Variants in SLC44A5 observed in about 807,000 individuals in gnomAD.
SLC44A5 encodes choline transporter-like protein 5.
Under a neutral mutation model 101.8 loss-of-function variants are expected in SLC44A5, and 57 were observed. The observed-to-expected ratio is 0.56, with a 90% confidence interval of 0.45 to 0.70. The LOEUF (loss-of-function observed/expected upper bound fraction) is 0.70, where lower values mean the gene tolerates loss of function less well. SLC44A5 is among the 30% of genes least tolerant of loss of function. The pLI, the probability that SLC44A5 is intolerant of heterozygous loss-of-function variation, is 0.00. For synonymous variants in SLC44A5, 281 were observed against 290.9 expected (o/e 0.97, Z 0.35); for missense variants, 737 against 853.1 (o/e 0.86, Z 1.70).
At chr1:75,432,769 C>T (rs537865999) in intron 2 of SLC44A5, among the ~76,000 whole-genome samples, 37 of 151,902 alleles carry the variant, frequency 2.4e-4, no homozygotes, top group African/African-American at 6.8e-4. Flanking sequence ...AAAAAAAATG[C>T]GAGGGTCCAT....
At chr1:75,318,090 T>C (rs1655833602) in intron 4 of SLC44A5, among the ~76,000 whole-genome samples, 2 of 152,132 alleles carry the variant, frequency 1.3e-5, no homozygotes, top group South Asian at 2.1e-4. Flanking sequence ...AAATCTGCTC[T>C]ATAGGGCTGA....
At chr1:75,386,525 G>A (rs1203160484) in intron 3 of SLC44A5, among the ~76,000 whole-genome samples, 1 of 152,134 alleles carries the variant, frequency 6.6e-6, no homozygotes, top group Non-Finnish European at 1.5e-5. Flanking sequence ...CGTCTTCAAG[G>A]AGAACTACAA....
At chr1:75,576,310 CT>C (rs555545245) in intron 1 of SLC44A5, among the ~76,000 whole-genome samples, 159 of 145,748 alleles carry the variant, frequency 1.1e-3, no homozygotes, top group South Asian at 4.6e-3. Flanking sequence ...ATAAATGTTC[CT>C]TTTTTTTTTT....
At chr1:75,225,223 T>A (rs1557545239) in intron 13 of SLC44A5, among the ~76,000 whole-genome samples, 1 of 152,208 alleles carries the variant, frequency 6.6e-6, no homozygotes, top group Non-Finnish European at 1.5e-5. Context: ...TATTACAATT[T>A]CCTACAGTAT....
chr1:75,710,560 C>T, the SLC44A5 span: 1 of 54,210 alleles, frequency 1.8e-5, no homozygotes, highest in African/African-American at 7.6e-5. Flanking sequence ...AGAGACCCTA[C>T]CTAAAAAAAA....
chr1:75,676,774 T>C, the SLC44A5 span, among the ~76,000 whole-genome samples: 1 of 152,240 alleles, frequency 6.6e-6, no homozygotes, highest in African/African-American at 2.4e-5. Context: ...AAGAAGGTTA[T>C]AGAACACCAA....
intron 1 of SLC44A5, among the ~76,000 whole-genome samples, chr1:75,561,317 C>T (rs561662929): frequency 2.0e-5 from 3 of 152,128 alleles, no homozygotes; most frequent in East Asian, 3.9e-4. Context: ...TACAAAGAAA[C>T]GAGGATAAGG....
At chr1:75,655,769 C>T in the SLC44A5 span, among the ~76,000 whole-genome samples, 2 of 152,110 alleles carry the variant, frequency 1.3e-5, no homozygotes, top group Non-Finnish European at 2.9e-5. Flanking sequence ...GATTCTGAGC[C>T]ACTGTTCCAT....
intron 4 of SLC44A5, among the ~76,000 whole-genome samples, chr1:75,310,719 T>C (rs1437391855): frequency 6.6e-6 from 1 of 152,162 alleles, no homozygotes; most frequent in Admixed American, 6.5e-5. Flanking sequence ...TTTGCAACTA[T>C]TATTAAATAC....
chr1:75,386,365 A>T (rs1661346687), intron 3 of SLC44A5, among the ~76,000 whole-genome samples: 1 of 152,214 alleles, frequency 6.6e-6, no homozygotes, highest in Admixed American at 6.5e-5. Flanking sequence ...GCAAAGTCTC[A>T]GGATACAAAA....
chr1:75,437,078 G>T (rs1664933731), intron 2 of SLC44A5, among the ~76,000 whole-genome samples: 1 of 152,024 alleles, frequency 6.6e-6, no homozygotes, highest in African/African-American at 2.4e-5. Flanking sequence ...GCCTGAGGCT[G>T]TTTTACAGTT....
intron 5 of SLC44A5, among the ~76,000 whole-genome samples, chr1:75,291,996 A>C (rs1254037095): frequency 6.9e-6 from 1 of 145,432 alleles, no homozygotes; most frequent in Non-Finnish European, 1.5e-5. Flanking sequence ...TGGGTGACAG[A>C]GCGAGACTCT....
At chr1:75,496,153 T>C (rs1483168195) in intron 2 of SLC44A5, among the ~76,000 whole-genome samples, 1 of 151,952 alleles carries the variant, frequency 6.6e-6, no homozygotes, top group African/African-American at 2.4e-5. Flanking sequence ...CCAAACAATC[T>C]TGAGAAAGAA....
chr1:75,587,556 C>A (rs1169290642), intron 1 of SLC44A5, among the ~76,000 whole-genome samples: 1 of 152,186 alleles, frequency 6.6e-6, no homozygotes, highest in Non-Finnish European at 1.5e-5. Context: ...GACAAGATCA[C>A]CTGTGTCAAG....
chr1:75,332,212 C>T (rs1657110874), intron 4 of SLC44A5, among the ~76,000 whole-genome samples: 1 of 152,060 alleles, frequency 6.6e-6, no homozygotes, highest in Non-Finnish European at 1.5e-5. Context: ...ATATTTTCTT[C>T]CAGTAAAAAG....
chr1:75,246,602 A>G (rs1269251980), intron 7 of SLC44A5, among the ~76,000 whole-genome samples: 1 of 152,112 alleles, frequency 6.6e-6, no homozygotes, highest in Admixed American at 6.6e-5. Context: ...AATAAATAGT[A>G]GTAAATAAGA....
intron 13 of SLC44A5, among the ~76,000 whole-genome samples, chr1:75,223,079 G>A (rs188489737): frequency 1.1e-4 from 16 of 152,164 alleles, no homozygotes; most frequent in Non-Finnish European, 1.5e-4. Flanking sequence ...TGAATTGAAG[G>A]TTATACAAAC....
chr1:75,667,211 C>T, the SLC44A5 span, among the ~76,000 whole-genome samples: 1 of 152,178 alleles, frequency 6.6e-6, no homozygotes, highest in African/African-American at 2.4e-5. Flanking sequence ...TCTCCTTAAA[C>T]TGATAAGCAA....
intron 10 of SLC44A5, among the ~76,000 whole-genome samples, chr1:75,237,867 G>A (rs1053556193): frequency 6.6e-6 from 1 of 151,886 alleles, no homozygotes; most frequent in Admixed American, 6.6e-5. Context: ...TAAATTTTTA[G>A]AATATCTTTT....
Sources: allele counts gnomAD v4.1 joint callset (sites outside exome capture counted in the v4.1 genomes callset), GRCh38; gene constraint gnomAD v4.1.1; transcripts MANE v1.5; gene names NCBI Gene and HGNC (gene_info 2026-07-23, HGNC 2026-07-21).